IMPG2: variants seen among roughly 807,000 people sequenced by gnomAD.
IMPG2 encodes the protein interphotoreceptor matrix proteoglycan 2, also known as IPM 200.
IMPG2 carries 91 observed loss-of-function variants against 129.2 expected under a neutral mutation model. The ratio of observed to expected loss-of-function variants is 0.70; its 90% CI spans 0.59 to 0.84. IMPG2 has a LOEUF of 0.84. Ranked by LOEUF, IMPG2 falls within the 40% of genes least tolerant of loss-of-function variation. The pLI, the probability that IMPG2 is intolerant of heterozygous loss-of-function variation, is 0.00. For synonymous variants in IMPG2, 510 were observed against 517.7 expected (o/e 0.99, Z 0.20); for missense variants, 1,430 against 1,461.7 (o/e 0.98, Z 0.35).
chr3:101,265,220 A>G (rs943958342), intron 9 of IMPG2, among the ~76,000 whole-genome samples: 8 of 152,170 alleles, frequency 5.3e-5, no homozygotes, highest in African/African-American at 1.7e-4. Flanking sequence ...GAACCACAAA[A>G]GACCCCAGAT....
intron 2 of IMPG2, among the ~76,000 whole-genome samples, chr3:101,307,382 A>G (rs535216364): frequency 2.3e-4 from 35 of 152,350 alleles, no homozygotes; most frequent in African/African-American, 8.4e-4. Context: ...GCTGCTATGA[A>G]GAAATGCCCA....
At chr3:101,252,738 A>G (rs1229778317) in intron 11 of IMPG2, among the ~76,000 whole-genome samples, 1 of 152,182 alleles carries the variant, frequency 6.6e-6, no homozygotes, top group Admixed American at 6.6e-5. Context: ...TGTAATATTG[A>G]GTTGCTCTAT....
intron 3 of IMPG2, among the ~76,000 whole-genome samples, chr3:101,293,817 G>A (rs1294062495): frequency 6.6e-6 from 1 of 152,200 alleles, no homozygotes; most frequent in Non-Finnish European, 1.5e-5. Context: ...TATAAAGATA[G>A]CTTCTATTCT....
Position 101,275,719 on chromosome 3 carries a change from C to T in IMPG2, c.610G>A (p.Glu204Lys). The T allele has an allele frequency of 6.2e-7, 1 of 1,613,980 alleles. No individual in the cohort carries two copies. The highest frequency in any genetic ancestry group is 8.5e-7 in the Non-Finnish European group (1 of 1,179,868). The part of the protein sequence containing the change: ...GDTTLSVPHP[E>K]VDAYEGASES... The stretch of plus-strand genomic sequence containing the variant: ...GAGGCACCTTCATAGGCGTCCACCT[C>T]TGGATGTGGAACACTGAGAGTAGTG... The change falls in exon 6 of 19, where the codon GAG (glutamate) becomes AAG (lysine). Residue 204 changes from glutamate (E) to lysine (K), a missense_variant. Coordinates refer to ENST00000193391, the MANE Select transcript of IMPG2 (RefSeq NM_016247.4).
At chr3:101,249,861 C>T (rs1706524867) in intron 11 of IMPG2, among the ~76,000 whole-genome samples, 1 of 150,804 alleles carries the variant, frequency 6.6e-6, no homozygotes, top group Non-Finnish European at 1.5e-5. Flanking sequence ...ACTTTAGGAG[C>T]ACGCAAGTCT....
At chr3:101,233,237 A>T (rs1440352449) in intron 14 of IMPG2, among the ~76,000 whole-genome samples, 3 of 152,232 alleles carry the variant, frequency 2.0e-5, no homozygotes, top group African/African-American at 4.8e-5. Flanking sequence ...CTAAGCCTTA[A>T]CATATTTTAT....
At chr3:101,233,301 G>A (rs2107208445) in intron 14 of IMPG2, among the ~76,000 whole-genome samples, 1 of 152,304 alleles carries the variant, frequency 6.6e-6, no homozygotes, top group African/African-American at 2.4e-5. Flanking sequence ...GCAGATCTAA[G>A]TTAAACACAA....
intron 9 of IMPG2, among the ~76,000 whole-genome samples, chr3:101,264,804 A>G (rs891059103): frequency 4.0e-4 from 61 of 152,122 alleles, no homozygotes; most frequent in Non-Finnish European, 4.4e-5. Flanking sequence ...AAAAACCCAA[A>G]GACTCCATTA....
At chr3:101,253,190 A>G (rs537668412) in intron 11 of IMPG2, among the ~76,000 whole-genome samples, 1 of 152,264 alleles carries the variant, frequency 6.6e-6, no homozygotes, top group East Asian at 1.9e-4. Flanking sequence ...CCAGGTTACA[A>G]GGAGGCCTGA....
intron 14 of IMPG2, among the ~76,000 whole-genome samples, chr3:101,239,790 A>G (rs1013081693): frequency 2.0e-5 from 3 of 152,212 alleles, no homozygotes; most frequent in African/African-American, 2.4e-5. Flanking sequence ...TAAGCTGGAA[A>G]CCATTATTCT....
At chr3:101,248,029 C>T (rs942498470) in intron 11 of IMPG2, among the ~76,000 whole-genome samples, 8 of 152,140 alleles carry the variant, frequency 5.3e-5, no homozygotes, top group Admixed American at 1.3e-4. Context: ...TGAACAAAAG[C>T]ACACAATTTT....
chr3:101,288,209 C>G (rs1405149216), intron 4 of IMPG2, among the ~76,000 whole-genome samples: 2 of 152,058 alleles, frequency 1.3e-5, no homozygotes, highest in African/African-American at 2.4e-5. Context: ...GTCAGAATGG[C>G]TACTAAAAAG....
chr3:101,267,798 C>CT (rs535204795), intron 8 of IMPG2, among the ~76,000 whole-genome samples: 1 of 151,874 alleles, frequency 6.6e-6, no homozygotes, highest in Admixed American at 6.6e-5. Flanking sequence ...CATAAAGAAA[C>CT]TTTTTTCAGT....
In IMPG2 at chr3:101,242,745, T is replaced by G; in HGVS notation, c.2965A>C (p.Thr989Pro). ...GCCAAGTTCATGGTATTGTAGGCAGTGGTACAAAAGTCTTCCAGAATCATG... is the reference window on the plus strand; with the variant it reads ...GCCAAGTTCATGGTATTGTAGGCAGGGGTACAAAAGTCTTCCAGAATCATG... ...VYMILEDFCT[T>P]AYNTMNLAID... The change falls in exon 14 of 19, where the codon ACT becomes CCT. Residue 989 changes from threonine (T) to proline (P), a missense_variant. By Grantham distance (38) the Thr-to-Pro change is conservative (BLOSUM62 -1). Coordinates refer to ENST00000193391, the MANE Select transcript of IMPG2 (RefSeq NM_016247.4). 6.2e-7 allele frequency: 1 copy of G among 1,614,066 alleles called. No homozygotes were observed. Among genetic ancestry groups the G allele is most frequent in the Non-Finnish European group, 8.5e-7 (1 of 1,179,944 alleles).
At position 101,292,444 on chromosome 3, in the gene IMPG2, A is replaced by T. The variant is rs183476190; in HGVS notation, c.502-934T>A. On this transcript the variant is annotated intron_variant, in intron 3 of 18. Coordinates refer to ENST00000193391, the MANE Select transcript of IMPG2 (RefSeq NM_016247.4). ...TACTGTAGTCTATTAAAAGTGCAAT[A>T]ACATTACATCTAAAAAAGGTATATA... is the stretch of plus-strand genomic sequence containing the variant. 1.7e-4 allele frequency among the ~76,000 whole-genome samples: 26 copies of T among 152,352 alleles called. No homozygotes were observed. The East Asian group carries it at 4.4e-3, about 26-fold the overall frequency.
At chr3:101,284,281 A>G (rs1164612667) in intron 4 of IMPG2, among the ~76,000 whole-genome samples, 1 of 152,206 alleles carries the variant, frequency 6.6e-6, no homozygotes, top group East Asian at 1.9e-4. Context: ...GTCATCATAA[A>G]TGAGTTGTCT....
intron 2 of IMPG2, among the ~76,000 whole-genome samples, chr3:101,310,040 A>G (rs1030946076): frequency 1.1e-4 from 16 of 152,334 alleles, no homozygotes; most frequent in African/African-American, 3.6e-4. Context: ...GGGAAGGAGT[A>G]TAAGAGAACT....
chr3:101,234,654 C>T lies in IMPG2; in HGVS notation c.3023-1663G>A, dbSNP rs150742238. Among the ~76,000 whole-genome samples the T allele has an allele frequency of 3.9e-5, 6 of 152,266 alleles. No homozygotes were observed. The East Asian group carries it at 7.7e-4, about 20-fold the overall frequency. On this transcript the variant is annotated intron_variant, in intron 14 of 18. Transcript: ENST00000193391. ...GTCTTCACATCTTTATCCGGGTATTCGTTTTGTGACTTTGTAATCAGAAAA... is the reference window on the plus strand; with the variant it reads ...GTCTTCACATCTTTATCCGGGTATTTGTTTTGTGACTTTGTAATCAGAAAA...
At chr3:101,234,058 GA>G (rs1333111182) in intron 14 of IMPG2, among the ~76,000 whole-genome samples, 1 of 151,526 alleles carries the variant, frequency 6.6e-6, no homozygotes, top group Non-Finnish European at 1.5e-5. Context: ...GGTAACAGGG[GA>G]AATGTACTGA....
Sources: allele counts gnomAD v4.1 joint callset (sites outside exome capture counted in the v4.1 genomes callset), GRCh38; gene constraint gnomAD v4.1.1; transcripts MANE v1.5; gene names NCBI Gene and HGNC (gene_info 2026-07-23, HGNC 2026-07-21).